FAP: variants seen among roughly 807,000 people sequenced by gnomAD.
FAP encodes fibroblast activation protein alpha.
In FAP, 110 loss-of-function variants were observed where a neutral mutation model predicts 126.5. That is an observed-to-expected ratio of 0.87 (90% CI 0.74 to 1.02). The LOEUF (loss-of-function observed/expected upper bound fraction) is 1.02, where lower values mean the gene tolerates loss of function less well. FAP is among the 50% of genes least tolerant of loss of function. FAP has a pLI of 0.00. For missense variants in FAP, 919 were observed against 909.2 expected, an observed-to-expected ratio of 1.01 and a Z score of -0.14; for synonymous variants, 334 against 297.3, an observed-to-expected ratio of 1.12 and a Z score of -1.27.
In FAP at chr2:162,213,938, C is replaced by A. The variant is rs746205629; in HGVS notation, c.1002G>T (p.Lys334Asn). 2.0e-5 allele frequency: 32 copies of A among 1,612,898 alleles called. No individual in the cohort carries two copies. The highest frequency in any genetic ancestry group is 2.6e-5 in the Non-Finnish European group (31 of 1,179,422). Reference protein sequence around the residue: ...REDWQTWDCPKTQEHIEESRT... With the variant: ...REDWQTWDCPNTQEHIEESRT... ...TATCTGTGATCTTAATATACCCTAC[C>A]TTTGGACAATCCCATGTCTGCCAGT... Residue 334 changes from lysine to asparagine, a missense_variant and splice_region_variant, in exon 11 of 26, where the codon AAG becomes AAT. Coordinates refer to ENST00000188790, the MANE Select transcript of FAP (RefSeq NM_004460.5).
At chr2:162,231,803 G>A (rs372566649) in intron 2 of FAP, among the ~76,000 whole-genome samples, 1 of 152,214 alleles carries the variant, frequency 6.6e-6, no homozygotes, top group South Asian at 2.1e-4. Flanking sequence ...GGGTGTTAGA[G>A]CAGAGACATT....
At chr2:162,205,059 T>A (rs1688651357) in intron 12 of FAP, among the ~76,000 whole-genome samples, 2 of 152,136 alleles carry the variant, frequency 1.3e-5, no homozygotes, top group African/African-American at 4.8e-5. Flanking sequence ...CAACCAGTGG[T>A]TTATCTACCT....
chr2:162,223,909 G>A (rs1418423354), intron 5 of FAP, among the ~76,000 whole-genome samples: 1 of 151,964 alleles, frequency 6.6e-6, no homozygotes, highest in Non-Finnish European at 1.5e-5. Context: ...TCCATAAAAA[G>A]CATATCCAAA....
chr2:162,221,424 C>T (rs1470024378), intron 6 of FAP, among the ~76,000 whole-genome samples: 1 of 151,820 alleles, frequency 6.6e-6, no homozygotes, highest in African/African-American at 2.4e-5. Flanking sequence ...ACTTAGGAGG[C>T]TGAGGCGGGA....
At chr2:162,205,535 G>A (rs557963201) in intron 12 of FAP, among the ~76,000 whole-genome samples, 18 of 150,994 alleles carry the variant, frequency 1.2e-4, no homozygotes, top group Non-Finnish European at 2.2e-4. Flanking sequence ...TATTTTTTAT[G>A]GAGTTTCGTT....
chr2:162,221,957 C>CA (rs1407854627), intron 6 of FAP, among the ~76,000 whole-genome samples: 2 of 151,614 alleles, frequency 1.3e-5, no homozygotes. Flanking sequence ...TTTACCTGAC[C>CA]ACCCCCCCAC....
intron 21 of FAP, chr2:162,176,359 G>A (rs1362611213): frequency 6.6e-6 from 1 of 152,084 alleles, no homozygotes; most frequent in African/African-American, 2.4e-5. Context: ...AAGACCTTTA[G>A]CTACAAAACA....
intron 7 of FAP, 75 bp downstream of exon 7, chr2:162,219,766 TCAGGCAGGGAAA>T: frequency 1.1e-5 from 10 of 874,344 alleles, no homozygotes; most frequent in Admixed American, 2.1e-5. Context: ...TTTTTTTCTT[TCAGGCAGGGAAA>T]TTTAACAAAG....
intron 14 of FAP, 97 bp downstream of exon 14, chr2:162,202,765 TAGAGTAACAA>T (rs528287651): frequency 6.3e-5 from 48 of 763,140 alleles, no homozygotes; most frequent in Non-Finnish European, 1.0e-4. Flanking sequence ...GTCTGAATTA[TAGAGTAACAA>T]AAATCTTCTT....
At chr2:162,207,592 T>TA (rs910483891) in intron 12 of FAP, among the ~76,000 whole-genome samples, 12 of 152,158 alleles carry the variant, frequency 7.9e-5, no homozygotes, top group African/African-American at 2.9e-4. Context: ...GGTATTTTTT[T>TA]AAAAAAGTTC....
At position 162,194,686 on chromosome 2, in the gene FAP, T is replaced by C. The variant is rs755309039; in HGVS notation, c.1450+15A>G. 3.7e-6 allele frequency: 6 copies of C among 1,612,226 alleles called. No individual in the cohort carries two copies. Among genetic ancestry groups the C allele is most frequent in the African/African-American group, 1.3e-5 (1 of 74,938 alleles). ...ATTACTTGAGACAAGATAGATAACA[T>C]GCAAGAGAGAGTACCTTGATCAGTG... On this transcript the variant is annotated intron_variant, in intron 17 of 25. Coordinates refer to ENST00000188790, the MANE Select transcript of FAP (RefSeq NM_004460.5).
At chr2:162,174,395 T>C (rs576280257) in intron 22 of FAP, among the ~76,000 whole-genome samples, 1 of 152,208 alleles carries the variant, frequency 6.6e-6, no homozygotes, top group Non-Finnish European at 1.5e-5. Context: ...CCTGCATTGA[T>C]GTAATGATAA....
intron 7 of FAP, 45 bp downstream of exon 7, chr2:162,219,807 CT>C: frequency 7.5e-7 from 1 of 1,327,284 alleles, no homozygotes. Context: ...CAAATGGCTC[CT>C]CTTTTATTTA....
At chr2:162,178,404 G>A (rs367825152) in intron 21 of FAP, among the ~76,000 whole-genome samples, 21 of 152,110 alleles carry the variant, frequency 1.4e-4, no homozygotes, top group African/African-American at 4.6e-4. Context: ...TGTTATAGGG[G>A]GCTGTCCTAT....
chr2:162,181,479 A>G (rs1687694843), intron 21 of FAP, among the ~76,000 whole-genome samples: 1 of 152,138 alleles, frequency 6.6e-6, no homozygotes, highest in Non-Finnish European at 1.5e-5. Flanking sequence ...TGGCCAGCTC[A>G]GTCTCCCTGT....
chr2:162,218,875 C>T (rs963517327), intron 8 of FAP, among the ~76,000 whole-genome samples, 188 bp downstream of exon 8: 12 of 152,010 alleles, frequency 7.9e-5, no homozygotes, highest in African/African-American at 2.9e-4. Flanking sequence ...ATCAATTCTA[C>T]CAGTTTTCTG....
intron 16 of FAP, among the ~76,000 whole-genome samples, chr2:162,197,313 A>G (rs1015112624): frequency 1.3e-5 from 2 of 152,208 alleles, no homozygotes; most frequent in Non-Finnish European, 1.5e-5. Flanking sequence ...CTTCCAGGAG[A>G]AAAAGATAGA....
chr2:162,210,288 G>A (rs1189301174), intron 11 of FAP, among the ~76,000 whole-genome samples: 1 of 152,182 alleles, frequency 6.6e-6, no homozygotes, highest in African/African-American at 2.4e-5. Flanking sequence ...TCCACTTGAT[G>A]TGGTGTAGGT....
chr2:162,242,308 C>G (rs922420568), intron 2 of FAP, among the ~76,000 whole-genome samples: 6 of 152,186 alleles, frequency 3.9e-5, no homozygotes, highest in Non-Finnish European at 8.8e-5. Flanking sequence ...CAGTGTCAAT[C>G]TAAGCCTTTT....
Sources: allele counts gnomAD v4.1 joint callset (sites outside exome capture counted in the v4.1 genomes callset), GRCh38; gene constraint gnomAD v4.1.1; transcripts MANE v1.5; gene names NCBI Gene and HGNC (gene_info 2026-07-23, HGNC 2026-07-21).